Variants in CDC42BPA observed in about 807,000 individuals in gnomAD.
CDC42BPA encodes CDC42 binding protein kinase alpha.
Under a neutral mutation model 223.5 loss-of-function variants are expected in CDC42BPA, and 80 were observed. That is an observed-to-expected ratio of 0.36 (90% CI 0.30 to 0.43). CDC42BPA has a LOEUF of 0.43. Among genes scored for constraint, CDC42BPA ranks in the 20% least tolerant of loss-of-function variants. The pLI is 1.00. For missense variants in CDC42BPA, 1,743 were observed against 2,099.9 expected, an observed-to-expected ratio of 0.83 and a Z score of 3.32; for synonymous variants, 694 against 718.6, an observed-to-expected ratio of 0.97 and a Z score of 0.55.
intron 10 of CDC42BPA, among the ~76,000 whole-genome samples, chr1:227,131,959 C>G (rs1055119967): frequency 4.6e-5 from 7 of 152,102 alleles, no homozygotes; most frequent in African/African-American, 1.4e-4. Flanking sequence ...GACAGGAGAA[C>G]GGGAGTCAGT....
At chr1:227,176,958 T>C (rs1210098551) in intron 5 of CDC42BPA, among the ~76,000 whole-genome samples, 1 of 151,864 alleles carries the variant, frequency 6.6e-6, no homozygotes, top group African/African-American at 2.4e-5. Flanking sequence ...ATCCACTGGC[T>C]CTTTATGCCC....
chr1:227,289,777 T>C (rs918808519), intron 1 of CDC42BPA, among the ~76,000 whole-genome samples: 17 of 151,994 alleles, frequency 1.1e-4, no homozygotes, highest in African/African-American at 4.1e-4. Flanking sequence ...CGGAAAATAA[T>C]TTCCAAGTCT....
chr1:227,288,296 G>C (rs746308138), intron 1 of CDC42BPA, among the ~76,000 whole-genome samples: 5 of 152,108 alleles, frequency 3.3e-5, no homozygotes, highest in Non-Finnish European at 7.4e-5. Flanking sequence ...GATCACTTGA[G>C]CCCAGGAGGT....
intron 21 of CDC42BPA, chr1:227,059,438 A>G: frequency 6.5e-7 from 1 of 1,549,108 alleles, no homozygotes; most frequent in Non-Finnish European, 8.7e-7. Flanking sequence ...AGAATAGGAC[A>G]TGTTACAAAT....
At chr1:227,101,992 G>T (rs1373252737) in intron 14 of CDC42BPA, among the ~76,000 whole-genome samples, 1 of 152,160 alleles carries the variant, frequency 6.6e-6, no homozygotes, top group Non-Finnish European at 1.5e-5. Context: ...CCTAAGCTTT[G>T]TAATTTTCCA....
intron 5 of CDC42BPA, among the ~76,000 whole-genome samples, chr1:227,165,849 G>A (rs1192160783): frequency 6.6e-6 from 1 of 152,170 alleles, no homozygotes; most frequent in Non-Finnish European, 1.5e-5. Context: ...TAAGAGGTAT[G>A]CTGGAGAGAC....
rs368829941 is a variant in CDC42BPA at position 227,301,362 on chromosome 1, AT to A, written c.178+15642del. Among the ~76,000 whole-genome samples, 690 of 109,836 alleles carry A rather than the reference AT, an allele frequency of 6.3e-3. 10 individuals are homozygous for A. The East Asian group carries it at 0.12, about 18-fold the overall frequency. 72.1% of individuals were successfully genotyped at this position (109,836 alleles called of 152,430 possible). On this transcript the variant is annotated intron_variant, in intron 1 of 36. Transcript: ENST00000366766. The stretch of plus-strand genomic sequence containing the variant: ...TGAAGTAGGAGTAAAGGATGTAGAC[AT>A]TTTTTTTTTTTTTTTGAGACGAAGT...
At chr1:227,151,109 T>C (rs1661668014) in intron 6 of CDC42BPA, among the ~76,000 whole-genome samples, 1 of 152,104 alleles carries the variant, frequency 6.6e-6, no homozygotes, top group Non-Finnish European at 1.5e-5. Context: ...TTCTCTAAAA[T>C]TTTTTCATCT....
At chr1:227,124,866 A>G (rs943076486) in intron 11 of CDC42BPA, among the ~76,000 whole-genome samples, 1 of 152,160 alleles carries the variant, frequency 6.6e-6, no homozygotes, top group African/African-American at 2.4e-5. Flanking sequence ...AGGAATAGAT[A>G]TATTTCCCAT....
At chr1:227,123,190 C>T (rs1188668997) in intron 11 of CDC42BPA, among the ~76,000 whole-genome samples, 1 of 152,110 alleles carries the variant, frequency 6.6e-6, no homozygotes, top group African/African-American at 2.4e-5. Context: ...AACTCAGCTA[C>T]TCGAGAAGGG....
intron 3 of CDC42BPA, 70 bp from the exon 4 acceptor site, chr1:227,199,722 T>C (rs1468751018): frequency 4.0e-6 from 3 of 752,168 alleles, no homozygotes; most frequent in African/African-American, 3.6e-5. Flanking sequence ...AGAATTACTA[T>C]GTTTATTATA....
At chr1:227,131,905 T>C (rs1338663407) in intron 10 of CDC42BPA, among the ~76,000 whole-genome samples, 1 of 152,156 alleles carries the variant, frequency 6.6e-6, no homozygotes, top group Non-Finnish European at 1.5e-5. Flanking sequence ...CATCCTAAAC[T>C]AGTGGTTCTC....
At chr1:227,184,051 G>A (rs1180573510) in intron 5 of CDC42BPA, among the ~76,000 whole-genome samples, 1 of 152,000 alleles carries the variant, frequency 6.6e-6, no homozygotes, top group Admixed American at 6.6e-5. Flanking sequence ...GATTGCTTGG[G>A]CTTTTTAATT....
intron 9 of CDC42BPA, among the ~76,000 whole-genome samples, chr1:227,140,782 T>C (rs779243169): frequency 1.5e-4 from 23 of 152,150 alleles, no homozygotes; most frequent in Non-Finnish European, 3.2e-4. Flanking sequence ...GTTATTTACA[T>C]AGTAAGTGGG....
At chr1:227,213,353 C>A in intron 2 of CDC42BPA, 134 bp from the exon 3 acceptor site, 1 of 526,160 alleles carries the variant, frequency 1.9e-6, no homozygotes, top group South Asian at 2.9e-5. Flanking sequence ...ATTCTAAGAT[C>A]CTAAATTAAA....
intron 4 of CDC42BPA, among the ~76,000 whole-genome samples, chr1:227,196,044 T>A (rs1029647156): frequency 2.6e-5 from 4 of 152,020 alleles, no homozygotes; most frequent in African/African-American, 9.7e-5. Context: ...AATCATTGAT[T>A]TGAGGAATCA....
intron 2 of CDC42BPA, among the ~76,000 whole-genome samples, chr1:227,225,139 G>C (rs1366212322): frequency 6.6e-6 from 1 of 151,960 alleles, no homozygotes; most frequent in Non-Finnish European, 1.5e-5. Flanking sequence ...CTAAATATTT[G>C]GTAAGAAAAG....
At chr1:227,217,414 T>G (rs1427330673) in intron 2 of CDC42BPA, among the ~76,000 whole-genome samples, 1 of 149,692 alleles carries the variant, frequency 6.7e-6, no homozygotes, top group Non-Finnish European at 1.5e-5. Context: ...CCACTGCACT[T>G]CAGCCCGGGC....
intron 3 of CDC42BPA, among the ~76,000 whole-genome samples, chr1:227,201,027 GGATT>G (rs1223207894): frequency 2.0e-5 from 3 of 151,900 alleles, no homozygotes; most frequent in Non-Finnish European, 4.4e-5. Context: ...TTTCTCTAAT[GGATT>G]GTTTTTTCAA....
Sources: allele counts gnomAD v4.1 joint callset (sites outside exome capture counted in the v4.1 genomes callset), GRCh38; gene constraint gnomAD v4.1.1; transcripts MANE v1.5; gene names NCBI Gene and HGNC (gene_info 2026-07-23, HGNC 2026-07-21).